Variants in EIF2AK3 observed in about 807,000 individuals in gnomAD.
The protein encoded by EIF2AK3 is eukaryotic translation initiation factor 2-alpha kinase 3.
Under a neutral mutation model 113.5 loss-of-function variants are expected in EIF2AK3, and 50 were observed. The observed-to-expected ratio is 0.44, with a 90% CI of 0.35 to 0.56. The LOEUF is 0.56. EIF2AK3 is among the 20% of genes least tolerant of loss of function. The probability of loss-of-function intolerance (pLI) is 0.00; values close to 1 mark genes in which losing one functional copy is unlikely to be tolerated. For missense variants in EIF2AK3, 1,185 were observed against 1,378.0 expected, an observed-to-expected ratio of 0.86 and a Z score of 2.22; for synonymous variants, 448 against 495.4, an observed-to-expected ratio of 0.90 and a Z score of 1.27.
chr2:88,590,541 A>G lies in EIF2AK3; in HGVS notation c.1067T>C (p.Phe356Ser), dbSNP rs1674859716. The G allele has an allele frequency of 6.2e-7, 1 of 1,613,770 alleles. No individual in the cohort carries two copies. The highest frequency in any genetic ancestry group is 8.5e-7 in the Non-Finnish European group (1 of 1,179,956). ...ATTAGATGTATAACTTGTATCATCA[A>G]AAAGACTGATGGGAATGACTTTCCC... ...KDGKVIPISL[F>S]DDTSYTSNDD... Residue 356 changes from phenylalanine to serine, a missense_variant, in exon 6 of 17, where the codon TTT becomes TCT. Physicochemically the swap from Phe to Ser is radical, Grantham distance 155. Around this residue, in one of 3 missense-constraint regions of EIF2AK3, gnomAD observed 877 missense variants for 1,024.2 expected, o/e 0.86. Coordinates refer to ENST00000303236, the MANE Select transcript of EIF2AK3 (RefSeq NM_004836.7).
Position 88,627,003 on chromosome 2 carries a change from TC to T in EIF2AK3, c.271del (p.Glu91AsnfsTer15). The T allele has an allele frequency of 6.2e-7, 1 of 1,608,728 alleles. No homozygotes were observed. The highest frequency in any genetic ancestry group is 8.5e-7 in the Non-Finnish European group (1 of 1,178,950). On this transcript the variant is annotated frameshift_variant, in exon 1 of 17. Transcript: ENST00000303236. LOFTEE classifies it high-confidence loss of function. Reference sequence around the variant, plus strand: ...TCGCAACTCTGTCTCATCGTCTGGTTCCGGACCCCGAGGCTCCTGCTCTCCC... The same window carrying T: ...TCGCAACTCTGTCTCATCGTCTGGTTCGGACCCCGAGGCTCCTGCTCTCCC... ...AAGEQEPRGP[E>X]PDDETELRPR...
chr2:88,570,811 T>G, intron 14 of EIF2AK3, 63 bp downstream of exon 14: 8 of 1,593,142 alleles, frequency 5.0e-6, no homozygotes, highest in South Asian at 1.1e-5. Flanking sequence ...AATGAAAACA[T>G]GAGAAGAGAT....
chr2:88,595,569 A>G lies in EIF2AK3; in HGVS notation c.533T>C (p.Val178Ala), dbSNP rs769862062. The G allele has an allele frequency of 1.2e-6, 2 of 1,613,964 alleles. No homozygotes were observed. Among genetic ancestry groups the G allele is most frequent in the Admixed American group, 1.7e-5 (1 of 60,004 alleles). Residue 178 changes from valine (V) to alanine (A), a missense_variant, in exon 3 of 17, where the codon GTT becomes GCT. This residue lies in a region of EIF2AK3 where 119 missense variants were observed against 178.7 expected (regional missense o/e 0.67). Transcript: ENST00000303236. ...RESMETVPFT[V>A]ESLLESSYKF... The stretch of plus-strand genomic sequence containing the variant: ...ATAAGAAGATTCAAGAAGTGATTCA[A>G]CTGTGAAAGGAACTGTTTCCATGCT...
chr2:88,577,879 C>T (rs942202775), intron 11 of EIF2AK3, among the ~76,000 whole-genome samples: 2 of 152,174 alleles, frequency 1.3e-5, no homozygotes, highest in African/African-American at 2.4e-5. Context: ...GAGCAAATGC[C>T]GCCATTTCTA....
chr2:88,579,044 A>T (rs1362777290), intron 11 of EIF2AK3, among the ~76,000 whole-genome samples: 1 of 152,180 alleles, frequency 6.6e-6, no homozygotes, highest in Admixed American at 6.5e-5. Context: ...AGAGGATATG[A>T]TGAAGAAAGC....
intron 4 of EIF2AK3, among the ~76,000 whole-genome samples, chr2:88,591,831 A>G (rs1180046818): frequency 6.6e-6 from 1 of 152,140 alleles, no homozygotes. Flanking sequence ...GGTAACTCAA[A>G]AATCTGTTAA....
intron 1 of EIF2AK3, among the ~76,000 whole-genome samples, chr2:88,626,623 G>C (rs567609237): frequency 2.6e-5 from 4 of 152,334 alleles, no homozygotes; most frequent in African/African-American, 7.2e-5. Flanking sequence ...TGTGCGTAAG[G>C]AAAAAGAGGG....
At chr2:88,572,687 C>A (rs987912195) in intron 13 of EIF2AK3, among the ~76,000 whole-genome samples, 1 of 152,166 alleles carries the variant, frequency 6.6e-6, no homozygotes, top group Non-Finnish European at 1.5e-5. Flanking sequence ...CAACAGATTT[C>A]CTTTTCTGGT....
chr2:88,609,351 G>A (rs1675373444), intron 2 of EIF2AK3, among the ~76,000 whole-genome samples: 1 of 152,224 alleles, frequency 6.6e-6, no homozygotes, highest in Non-Finnish European at 1.5e-5. Context: ...TATTTGCCCT[G>A]AAGGTATAAA....
intron 16 of EIF2AK3, among the ~76,000 whole-genome samples, chr2:88,558,239 T>A (rs1438311442): frequency 6.6e-6 from 1 of 152,198 alleles, no homozygotes; most frequent in Non-Finnish European, 1.5e-5. Flanking sequence ...ACATGGACAA[T>A]TTTTGGGTAA....
intron 14 of EIF2AK3, among the ~76,000 whole-genome samples, chr2:88,568,117 A>G (rs897544277): frequency 2.6e-5 from 4 of 152,228 alleles, no homozygotes; most frequent in Non-Finnish European, 5.9e-5. Context: ...TAAGGTAAAC[A>G]ATGCAAACAC....
chr2:88,628,070 A>G (rs1046229238), upstream of EIF2AK3: 1 of 152,410 alleles, frequency 6.6e-6, no homozygotes, highest in Non-Finnish European at 1.5e-5. Flanking sequence ...GGTAAGGAGG[A>G]TGCAGGAGAT....
At chr2:88,615,065 C>G (rs1206171830) in intron 1 of EIF2AK3, among the ~76,000 whole-genome samples, 2 of 152,236 alleles carry the variant, frequency 1.3e-5, no homozygotes, top group Non-Finnish European at 2.9e-5. Context: ...GCTCACACAT[C>G]TTGGTGACTG....
chr2:88,620,780 GT>G (rs1398527298), intron 1 of EIF2AK3, among the ~76,000 whole-genome samples: 2 of 152,166 alleles, frequency 1.3e-5, no homozygotes, highest in African/African-American at 4.8e-5. Flanking sequence ...CTACTTTTAT[GT>G]CACTTATTAT....
chr2:88,616,656 A>G (rs1319720905), intron 1 of EIF2AK3, among the ~76,000 whole-genome samples: 2 of 151,886 alleles, frequency 1.3e-5, no homozygotes, highest in Non-Finnish European at 2.9e-5. Context: ...TGAACTCCTG[A>G]CCTGAGGTGA....
chr2:88,590,024 G>C (rs1210980644), intron 6 of EIF2AK3, among the ~76,000 whole-genome samples: 1 of 152,054 alleles, frequency 6.6e-6, no homozygotes, highest in Non-Finnish European at 1.5e-5. Flanking sequence ...GATCACCTGA[G>C]GTCAGGTGCA....
intron 13 of EIF2AK3, 148 bp downstream of exon 13, chr2:88,574,518 C>T (rs1032761918): frequency 7.6e-5 from 69 of 912,364 alleles, no homozygotes; most frequent in Non-Finnish European, 6.7e-6. Flanking sequence ...TTGCAGCAGG[C>T]CCCTTCGAGG....
rs753827475 is a variant in EIF2AK3, at chr2:88,627,065, CACCTCGGCCGCA to C, written c.198_209del (p.Ala67_Val70del). 1 of 1,583,482 alleles carries C rather than the reference CACCTCGGCCGCA, an allele frequency of 6.3e-7. No individual in the cohort carries two copies. The highest frequency in any genetic ancestry group is 8.5e-7 in the Non-Finnish European group (1 of 1,171,868). On this transcript the variant is annotated inframe_deletion, in exon 1 of 17. Coordinates refer to ENST00000303236, the MANE Select transcript of EIF2AK3 (RefSeq NM_004836.7). ...GCAGCGCCTCAGCGTCCTCCACAGT[CACCTCGGCCGCA>C]GCCACGGCGCCCGCCGCCGGTACTC... is the stretch of plus-strand genomic sequence containing the variant.
At chr2:88,605,848 G>C (rs1164175035) in intron 2 of EIF2AK3, among the ~76,000 whole-genome samples, 1 of 151,996 alleles carries the variant, frequency 6.6e-6, no homozygotes, top group African/African-American at 2.4e-5. Context: ...GAAAGTAAAA[G>C]GAAGACTGTT....
Sources: allele counts gnomAD v4.1 joint callset (sites outside exome capture counted in the v4.1 genomes callset), GRCh38; gene constraint gnomAD v4.1.1; regional missense constraint gnomAD v4.1.1; transcripts MANE v1.5; gene names NCBI Gene and HGNC (gene_info 2026-07-23, HGNC 2026-07-21).